C2orf76: variants seen among roughly 807,000 people sequenced by gnomAD.
C2orf76 encodes the protein UPF0538 protein C2orf76.
Under a neutral mutation model 16.9 loss-of-function variants are expected in C2orf76, and 23 were observed. That is an observed-to-expected ratio of 1.36 (90% CI 0.98 to 1.93). The LOEUF (loss-of-function observed/expected upper bound fraction) is 1.93, where lower values mean the gene tolerates loss of function less well. Ranked by LOEUF, C2orf76 falls within the 30% of genes most tolerant of loss-of-function variation. The probability of loss-of-function intolerance (pLI) is 0.00; values close to 1 mark genes in which losing one functional copy is unlikely to be tolerated. For synonymous variants in C2orf76, 48 were observed against 52.3 expected, an observed-to-expected ratio of 0.92 and a Z score of 0.35; for missense variants, 152 against 152.6, an observed-to-expected ratio of 1.00 and a Z score of 0.02.
chr2:119,317,854 T>TA (rs56091366), intron 3 of C2orf76, among the ~76,000 whole-genome samples: 10 of 150,736 alleles, frequency 6.6e-5, no homozygotes, highest in South Asian at 4.2e-4. Flanking sequence ...GCAAATAATG[T>TA]AAAAAAAAAA....
intron 1 of C2orf76, among the ~76,000 whole-genome samples, chr2:119,353,556 C>CTT (rs755724739): frequency 0.056 from 6,952 of 124,496 alleles, 293 homozygotes; most frequent in East Asian, 0.084. Flanking sequence ...CAAGAATTTT[C>CTT]TTTTTTTTTT....
intron 1 of C2orf76, among the ~76,000 whole-genome samples, chr2:119,358,554 G>C (rs1243640759): frequency 6.7e-6 from 1 of 149,814 alleles, no homozygotes; most frequent in Non-Finnish European, 1.5e-5. Context: ...CTCCAGCCTG[G>C]GTGACAGAGG....
At chr2:119,334,703 A>AT (rs376852438) in intron 2 of C2orf76, among the ~76,000 whole-genome samples, 6,299 of 146,080 alleles carry the variant, frequency 0.043, 185 homozygotes, top group East Asian at 0.12. Flanking sequence ...AAAAAAACAA[A>AT]ATATATATAT....
intron 1 of C2orf76, among the ~76,000 whole-genome samples, chr2:119,343,691 G>A (rs879692946): frequency 1.6e-4 from 25 of 152,116 alleles, no homozygotes; most frequent in African/African-American, 5.8e-4. Context: ...CCAGCTACTC[G>A]GGAGACTGAG....
chr2:119,291,901 G>T, the C2orf76 span, among the ~76,000 whole-genome samples: 1 of 152,028 alleles, frequency 6.6e-6, no homozygotes. Context: ...ATTCTGGAAG[G>T]TCAGTGTTAT....
chr2:119,281,910 C>G, the C2orf76 span, among the ~76,000 whole-genome samples: 12 of 152,146 alleles, frequency 7.9e-5, no homozygotes, highest in Admixed American at 1.3e-4. Context: ...TACTGCGCTA[C>G]CCACCCTCAA....
chr2:119,317,017 C>A (rs1679192268), intron 4 of C2orf76, among the ~76,000 whole-genome samples: 1 of 152,172 alleles, frequency 6.6e-6, no homozygotes, highest in African/African-American at 2.4e-5. Flanking sequence ...GTTCCCAGAG[C>A]CACAGTTCTG....
chr2:119,338,151 GC>G (rs1213341521), intron 2 of C2orf76, among the ~76,000 whole-genome samples: 2 of 152,210 alleles, frequency 1.3e-5, no homozygotes, highest in Non-Finnish European at 2.9e-5. Context: ...ACCAGGAAGT[GC>G]CCCCCAAAAT....
At chr2:119,366,431 C>A (rs1680995693) in intron 1 of C2orf76, 1 of 471,602 alleles carries the variant, frequency 2.1e-6, no homozygotes, top group Non-Finnish European at 4.4e-6. Context: ...AGTCAAAGAA[C>A]GTGCCAAAAG....
intron 4 of C2orf76, among the ~76,000 whole-genome samples, chr2:119,312,709 G>C (rs72957040): frequency 0.024 from 3,691 of 152,016 alleles, 138 homozygotes; most frequent in African/African-American, 0.085. Context: ...AATCCAGTGA[G>C]ACTCATAAAT....
At chr2:119,301,453 C>G (rs193114850), downstream of C2orf76, among the ~76,000 whole-genome samples, 9 of 152,298 alleles carry the variant, frequency 5.9e-5, no homozygotes, top group East Asian at 1.4e-3. Context: ...CTCCTGGCAA[C>G]TCTGAGGACT....
At chr2:119,305,576 C>T (rs1028826499) in intron 5 of C2orf76, among the ~76,000 whole-genome samples, 4 of 152,062 alleles carry the variant, frequency 2.6e-5, no homozygotes, top group African/African-American at 9.7e-5. Flanking sequence ...TTTTGTGGTA[C>T]AGAAAATCCA....
At chr2:119,301,562 G>A (rs573647036), downstream of C2orf76, among the ~76,000 whole-genome samples, 2 of 151,290 alleles carry the variant, frequency 1.3e-5, no homozygotes, top group South Asian at 4.2e-4. Context: ...TGGCAGAGCT[G>A]GCTAAGCTCT....
intron 1 of C2orf76, among the ~76,000 whole-genome samples, chr2:119,355,385 G>A (rs966820130): frequency 2.0e-5 from 3 of 152,204 alleles, no homozygotes; most frequent in African/African-American, 7.2e-5. Flanking sequence ...GACAGAGACA[G>A]TATCTCCCAC....
intron 2 of C2orf76, among the ~76,000 whole-genome samples, chr2:119,326,086 C>A (rs1313801739): frequency 6.6e-6 from 1 of 152,054 alleles, no homozygotes; most frequent in Non-Finnish European, 1.5e-5. Context: ...TTTAATTTTG[C>A]TAAAGCCCAA....
the C2orf76 span, among the ~76,000 whole-genome samples, chr2:119,295,029 C>G: frequency 2.0e-5 from 3 of 152,086 alleles, no homozygotes; most frequent in African/African-American, 7.2e-5. Flanking sequence ...AGTCAGGAGA[C>G]AGCAGTCAGA....
intron 1 of C2orf76, among the ~76,000 whole-genome samples, chr2:119,360,990 T>C (rs1245132144): frequency 6.6e-6 from 1 of 152,226 alleles, no homozygotes; most frequent in African/African-American, 2.4e-5. Context: ...AGCTAGGTAG[T>C]GGTTGTGGCC....
intron 2 of C2orf76, 43 bp from the exon 3 acceptor site, chr2:119,321,247 C>T (rs1263292086): frequency 1.9e-6 from 2 of 1,060,496 alleles, no homozygotes. Flanking sequence ...AGCAAATAGA[C>T]ACTCATAGAA....
chr2:119,334,922 T>C (rs1419563959), intron 2 of C2orf76, among the ~76,000 whole-genome samples: 1 of 152,126 alleles, frequency 6.6e-6, no homozygotes, highest in Non-Finnish European at 1.5e-5. Context: ...CTAACTGATA[T>C]CAAGTTGCTT....
Sources: gnomAD v4.1 joint callset for allele counts (sites outside exome capture counted in the v4.1 genomes callset) on GRCh38, gnomAD v4.1.1 for gene constraint, MANE v1.5 for transcripts, NCBI Gene and HGNC (gene_info 2026-07-23, HGNC 2026-07-21) for gene names.